Variants in KCNQ1OT1 observed in about 807,000 individuals in gnomAD.
KCNQ1OT1 encodes the protein KCNQ1 antisense RNA 2 (non-protein coding).
rs34219164 is a variant in KCNQ1OT1, at chr11:2,674,832, TAAAAAAAAAAAAA to T, written n.25150_25162del. Reference sequence around the variant, plus strand: ...GCTTGTCACCCTAATAGCTGTTTTTTAAAAAAAAAAAAAAAAAAAAAAAAAAAAGCTCACTGGG... The same window carrying T: ...GCTTGTCACCCTAATAGCTGTTTTTTAAAAAAAAAAAAAAAGCTCACTGGG... On this transcript the variant is annotated non_coding_transcript_exon_variant, in exon 1 of 1. Coordinates refer to ENST00000597346, the Ensembl canonical transcript of KCNQ1OT1. This position sits in a 1 kb window ranked among gnomAD's most constrained non-coding sequence, Gnocchi z 5.9. 3.0e-5 allele frequency: 9 copies of T among 303,866 alleles called. No homozygotes were observed. Among genetic ancestry groups the T allele is most frequent in the Admixed American group, 7.6e-5 (1 of 13,240 alleles). The allele number at this position is 303,866 out of a possible 1,614,324, so 18.8% of individuals were successfully genotyped here.
Position 2,648,981 on chromosome 11 carries a change from C to CTTTTTTTTTTTTTTTTT in KCNQ1OT1, n.50997_51013dup. ...CCTCCTTTGTCTCTTTTTTCTTTTT[C>CTTTTTTTTTTTTTTTTT]TTTTTTTTTTTTTTTTTTTTTTTGA... On this transcript the variant is annotated non_coding_transcript_exon_variant, in exon 1 of 1. Transcript: ENST00000597346. The CTTTTTTTTTTTTTTTTT allele has an allele frequency of 1.9e-4, 41 of 213,298 alleles. 1 individual carries two copies. The highest frequency in any genetic ancestry group is 8.7e-4 in the Admixed American group (9 of 10,320). The allele number at this position is 213,298 out of a possible 1,614,324, so 13.2% of individuals were successfully genotyped here. A position where few individuals can be genotyped will look rare whatever the true frequency, so the allele number is the denominator to read the frequency against.
Position 2,627,777 on chromosome 11 carries a change from G to A in KCNQ1OT1, n.72218C>T. On this transcript the variant is annotated non_coding_transcript_exon_variant, in exon 1 of 1. Coordinates refer to ENST00000597346, the Ensembl canonical transcript of KCNQ1OT1. The surrounding 1 kb of genome is among the most constrained non-coding windows in gnomAD (Gnocchi z 4.9). ...TTTCTTCCTTTCTTTTTGAGACAGG[G>A]TCTCCATCTGTCATCCAGGCAGGAG... 1 of 398,296 alleles carries A rather than the reference G, an allele frequency of 2.5e-6. No homozygotes were observed. Among genetic ancestry groups the A allele is most frequent in the Middle Eastern group, 6.3e-4 (1 of 1,588 alleles). 24.7% of individuals were successfully genotyped at this position (398,296 alleles called of 1,614,324 possible).
chr11:2,685,883 AG>A, exon 1 of KCNQ1OT1: 1 of 398,702 alleles, frequency 2.5e-6, no homozygotes, highest in East Asian at 3.6e-5. Flanking sequence ...CAACTAGACT[AG>A]GGAAGAACTT....
rs751448695 is a variant in KCNQ1OT1, at chr11:2,647,421, A to G, written n.52574T>C. ...TGTGTTTTGTTTCTGAGGATTCTGC[A>G]TCTATGTTCATCAGGGAGATTGGCC... On this transcript the variant is annotated non_coding_transcript_exon_variant, in exon 1 of 1. Coordinates refer to ENST00000597346, the Ensembl canonical transcript of KCNQ1OT1. The surrounding 1 kb of genome is among the most constrained non-coding windows in gnomAD (Gnocchi z 4.0). 2.0e-5 allele frequency: 8 copies of G among 398,418 alleles called. No individual in the cohort carries two copies. Among genetic ancestry groups the G allele is most frequent in the Admixed American group, 1.3e-4 (3 of 22,702 alleles). The allele number at this position is 398,418 out of a possible 1,614,324, so 24.7% of individuals were successfully genotyped here.
chr11:2,608,414 T>C lies in KCNQ1OT1; in HGVS notation n.91581A>G. 3 of 398,638 alleles carry C rather than the reference T, an allele frequency of 7.5e-6. No homozygotes were observed. The highest frequency in any genetic ancestry group is 1.3e-5 in the Non-Finnish European group (3 of 226,056). The allele number at this position is 398,638 out of a possible 1,614,324, so 24.7% of individuals were successfully genotyped here. A position where few individuals can be genotyped will look rare whatever the true frequency, so the allele number is the denominator to read the frequency against. On this transcript the variant is annotated non_coding_transcript_exon_variant, in exon 1 of 1. Transcript: ENST00000597346. The surrounding 1 kb of genome is among the most constrained non-coding windows in gnomAD (Gnocchi z 4.6). Reference sequence around the variant, plus strand: ...TTTATTGGCACAAAATTGTTCATAGTGTTCCTTCATAATCCTTTTTATTTC... The same window carrying C: ...TTTATTGGCACAAAATTGTTCATAGCGTTCCTTCATAATCCTTTTTATTTC...
chr11:2,637,686 G>A (rs1248921630), exon 1 of KCNQ1OT1: 3 of 152,202 alleles, frequency 2.0e-5, no homozygotes, highest in Non-Finnish European at 4.4e-5. Context: ...ATGTTCTGTA[G>A]ATGTCTATTA....
chr11:2,625,308 T>C, exon 1 of KCNQ1OT1: 1 of 398,658 alleles, frequency 2.5e-6, no homozygotes, highest in Non-Finnish European at 4.4e-6. Context: ...TGGAATGCAG[T>C]GGCATGATCA....
rs1442309480 is a variant in KCNQ1OT1 at position 2,623,791 on chromosome 11, T to C, written n.76204A>G. 1 of 398,450 alleles carries C rather than the reference T, an allele frequency of 2.5e-6. No homozygotes were observed. Among genetic ancestry groups the C allele is most frequent in the African/African-American group, 2.1e-5 (1 of 48,610 alleles). 24.7% of individuals were successfully genotyped at this position (398,450 alleles called of 1,614,324 possible). The stretch of plus-strand genomic sequence containing the variant: ...ACCTCCTTTGAGTAAATACCAAGGA[T>C]GTGATTGCTGAACTGCATGGTAAGA... On this transcript the variant is annotated non_coding_transcript_exon_variant, in exon 1 of 1. Coordinates refer to ENST00000597346, the Ensembl canonical transcript of KCNQ1OT1. This position sits in a 1 kb window ranked among gnomAD's most constrained non-coding sequence, Gnocchi z 5.2.
In KCNQ1OT1 at chr11:2,676,091, G is replaced by A. The variant is rs1850288607; in HGVS notation, n.23904C>T. 2.5e-6 allele frequency: 1 copy of A among 398,500 alleles called. No individual in the cohort carries two copies. Among genetic ancestry groups the A allele is most frequent in the African/African-American group, 2.1e-5 (1 of 48,608 alleles). The allele number at this position is 398,500 out of a possible 1,614,324, so 24.7% of individuals were successfully genotyped here. On this transcript the variant is annotated non_coding_transcript_exon_variant, in exon 1 of 1. Transcript: ENST00000597346. This position sits in a 1 kb window ranked among gnomAD's most constrained non-coding sequence, Gnocchi z 4.2. ...TATATAAACAAATATACGTGTGTCTGTGTGTGCATGTACTTAGTAGATACG... is the reference window on the plus strand; with the variant it reads ...TATATAAACAAATATACGTGTGTCTATGTGTGCATGTACTTAGTAGATACG...
chr11:2,628,935 G>C (rs1431481719), exon 1 of KCNQ1OT1: 1 of 398,162 alleles, frequency 2.5e-6, no homozygotes, highest in East Asian at 3.6e-5. Context: ...AAATGTGTGG[G>C]TTTATTTCTA....
chr11:2,637,244 T>C (rs1017500081), exon 1 of KCNQ1OT1: 2 of 152,210 alleles, frequency 1.3e-5, no homozygotes, highest in African/African-American at 4.8e-5. Flanking sequence ...TGTTTGCTCT[T>C]GCTTCTCTAG....
In KCNQ1OT1 at chr11:2,668,959, T is replaced by C. The variant is rs954518699; in HGVS notation, n.31036A>G. The C allele has an allele frequency of 2.5e-6, 1 of 398,002 alleles. No individual in the cohort carries two copies. The highest frequency in any genetic ancestry group is 2.1e-5 in the African/African-American group (1 of 48,414). 24.7% of individuals were successfully genotyped at this position (398,002 alleles called of 1,614,324 possible). The stretch of plus-strand genomic sequence containing the variant: ...ATGTAGATCTGCACTCCATCTGGGA[T>C]TGATTTTTGTGTCCAATGTGAGGCC... On this transcript the variant is annotated non_coding_transcript_exon_variant, in exon 1 of 1. Coordinates refer to ENST00000597346, the Ensembl canonical transcript of KCNQ1OT1. The surrounding 1 kb of genome is among the most constrained non-coding windows in gnomAD (Gnocchi z 4.3).
exon 1 of KCNQ1OT1, chr11:2,637,026 G>T (rs974583474): frequency 2.0e-5 from 3 of 152,094 alleles, no homozygotes; most frequent in African/African-American, 7.2e-5. Context: ...GGGATCGGTG[G>T]TGATATCCCC....
At chr11:2,618,888 C>G (rs988175710) in exon 1 of KCNQ1OT1, 2 of 398,014 alleles carry the variant, frequency 5.0e-6, no homozygotes, top group Non-Finnish European at 8.9e-6. Flanking sequence ...GTGTACAGGT[C>G]TTTCATCTTT....
chr11:2,691,183 G>A lies in KCNQ1OT1; in HGVS notation n.8812C>T, dbSNP rs1850582032. 1 of 398,556 alleles carries A rather than the reference G, an allele frequency of 2.5e-6. No individual in the cohort carries two copies. The highest frequency in any genetic ancestry group is 2.1e-5 in the African/African-American group (1 of 48,618). 24.7% of individuals were successfully genotyped at this position (398,556 alleles called of 1,614,324 possible). ...CTCACAGCCTTGGGAGGGGTGCTCAGAGCTCAGCTGTGTTTAAAAATTAGC... is the reference window on the plus strand; with the variant it reads ...CTCACAGCCTTGGGAGGGGTGCTCAAAGCTCAGCTGTGTTTAAAAATTAGC... On this transcript the variant is annotated non_coding_transcript_exon_variant, in exon 1 of 1. Coordinates refer to ENST00000597346, the Ensembl canonical transcript of KCNQ1OT1. The surrounding 1 kb of genome is among the most constrained non-coding windows in gnomAD (Gnocchi z 6.4).
At chr11:2,618,682 G>A in exon 1 of KCNQ1OT1, 1 of 398,392 alleles carries the variant, frequency 2.5e-6, no homozygotes. Context: ...GCTACTTAAG[G>A]TTCTTGCTAT....
chr11:2,661,843 G>A lies in KCNQ1OT1; in HGVS notation n.38152C>T. ...ACTATAAAACTGATTGTCAGGGCTG[G>A]AGCTTCCAGGCACAAGCTCCACTCC... On this transcript the variant is annotated non_coding_transcript_exon_variant, in exon 1 of 1. Transcript: ENST00000597346. The surrounding 1 kb of genome is among the most constrained non-coding windows in gnomAD (Gnocchi z 5.9). 7.5e-7 allele frequency: 1 copy of A among 1,334,640 alleles called. No homozygotes were observed. The highest frequency in any genetic ancestry group is 1.1e-6 in the Non-Finnish European group (1 of 933,814). 82.7% of individuals were successfully genotyped at this position (1,334,640 alleles called of 1,614,324 possible).
At chr11:2,681,422 T>C in exon 1 of KCNQ1OT1, 1 of 398,486 alleles carries the variant, frequency 2.5e-6, no homozygotes, top group Middle Eastern at 6.3e-4. Context: ...GGGATCCCTG[T>C]GACAGCTCTA....
Position 2,626,708 on chromosome 11 carries a change from T to G in KCNQ1OT1, n.73287A>C, listed in dbSNP as rs964676067. 1.0e-5 allele frequency: 4 copies of G among 398,496 alleles called. No homozygotes were observed. The highest frequency in any genetic ancestry group is 1.3e-5 in the Non-Finnish European group (3 of 226,062). 24.7% of individuals were successfully genotyped at this position (398,496 alleles called of 1,614,324 possible). On this transcript the variant is annotated non_coding_transcript_exon_variant, in exon 1 of 1. Coordinates refer to ENST00000597346, the Ensembl canonical transcript of KCNQ1OT1. This position sits in a 1 kb window ranked among gnomAD's most constrained non-coding sequence, Gnocchi z 4.0. ...TACACCTGGCCAATTATTTTATTTT[T>G]TGTAGAGATGAGGTCTCCCTGTGTT... is the stretch of plus-strand genomic sequence containing the variant.
Sources: allele counts gnomAD v4.1 joint callset, GRCh38; gene constraint gnomAD v4.1.1; non-coding constraint Gnocchi (gnomAD v3.1); transcripts MANE v1.5; gene names NCBI Gene and HGNC (gene_info 2026-07-23, HGNC 2026-07-21).